ST3GAL5: variants seen among roughly 807,000 people sequenced by gnomAD.
ST3GAL5 encodes ST3 beta-galactoside alpha-2,3-sialyltransferase 5, also known as lactosylceramide alpha-2,3-sialyltransferase.
Under a neutral mutation model 46.1 loss-of-function variants are expected in ST3GAL5, and 25 were observed. The ratio of observed to expected loss-of-function variants is 0.54; its 90% CI spans 0.40 to 0.76. ST3GAL5 has a LOEUF of 0.76. ST3GAL5 is among the 30% of genes least tolerant of loss of function. The pLI, the probability that ST3GAL5 is intolerant of heterozygous loss-of-function variation, is 0.00. For synonymous variants in ST3GAL5, 182 were observed against 192.7 expected, an observed-to-expected ratio of 0.94 and a Z score of 0.46; for missense variants, 431 against 521.2, an observed-to-expected ratio of 0.83 and a Z score of 1.69.
chr2:85,838,020 C>G lies in ST3GAL5; in HGVS notation c.*2124G>C, dbSNP rs1184140017. The G allele has an allele frequency of 6.6e-6, 1 of 152,218 alleles. No individual in the cohort carries two copies. The highest frequency in any genetic ancestry group is 1.5e-5 in the Non-Finnish European group (1 of 68,120). The allele number at this position is 152,218 out of a possible 1,614,324, so 9.4% of individuals were successfully genotyped here. A position where few individuals can be genotyped will look rare whatever the true frequency, so the allele number is the denominator to read the frequency against. On this transcript the variant is annotated 3_prime_UTR_variant, in exon 7 of 7. Transcript: ENST00000638572. ...CAGCTCTGAAGTGAAGATGCAACTT[C>G]CAACAAATGAATGCCAAAGTGTGAA...
At chr2:85,840,943 A>C (rs1170397630) in intron 6 of ST3GAL5, among the ~76,000 whole-genome samples, 2 of 97,758 alleles carry the variant, frequency 2.0e-5, no homozygotes, top group African/African-American at 1.2e-4. Context: ...ACTCTGTCTC[A>C]AAAAAAAAAA....
In ST3GAL5 at chr2:85,839,936, C is replaced by T. The variant is rs1366216100; in HGVS notation, c.*208G>A. On this transcript the variant is annotated 3_prime_UTR_variant, in exon 7 of 7. Coordinates refer to ENST00000638572, the MANE Select transcript of ST3GAL5 (RefSeq NM_003896.4). ...CAATTCAATTCTTAAGTTTCATTTA[C>T]AAAATGGTGTGCAAAAACAAACACT... is the stretch of plus-strand genomic sequence containing the variant. 1.6e-6 allele frequency: 1 copy of T among 615,838 alleles called. No homozygotes were observed. The highest frequency in any genetic ancestry group is 1.8e-5 in the African/African-American group (1 of 54,066). 38.1% of individuals were successfully genotyped at this position (615,838 alleles called of 1,614,324 possible).
chr2:85,865,556 G>A (rs560404277), intron 1 of ST3GAL5, among the ~76,000 whole-genome samples: 1 of 152,300 alleles, frequency 6.6e-6, no homozygotes, highest in East Asian at 1.9e-4. Context: ...GATCCTGGAA[G>A]GTTTTCAAAT....
Position 85,839,447 on chromosome 2 carries a change from G to T in ST3GAL5, c.*697C>A, listed in dbSNP as rs1408371624. 2 of 153,294 alleles carry T rather than the reference G, an allele frequency of 1.3e-5. No individual in the cohort carries two copies. The highest frequency in any genetic ancestry group is 1.5e-5 in the Non-Finnish European group (1 of 68,836). The allele number at this position is 153,294 out of a possible 1,614,324, so 9.5% of individuals were successfully genotyped here. A position where few individuals can be genotyped will look rare whatever the true frequency, so the allele number is the denominator to read the frequency against. On this transcript the variant is annotated 3_prime_UTR_variant, in exon 7 of 7. Coordinates refer to ENST00000638572, the MANE Select transcript of ST3GAL5 (RefSeq NM_003896.4). ...AGTAAAAAATCCCCAAGGAATTCAA[G>T]AATTGTAATAATTGCTGGGAAGACT...
At chr2:85,858,604 C>A (rs773899624) in intron 3 of ST3GAL5, among the ~76,000 whole-genome samples, 6 of 152,228 alleles carry the variant, frequency 3.9e-5, no homozygotes, top group Non-Finnish European at 5.9e-5. Flanking sequence ...CCATCACACC[C>A]GGTCAGACCC....
At chr2:85,871,846 C>T (rs144770006) in intron 1 of ST3GAL5, among the ~76,000 whole-genome samples, 92 of 152,240 alleles carry the variant, frequency 6.0e-4, no homozygotes, top group East Asian at 2.7e-3. Flanking sequence ...AGGGCACAGA[C>T]GGTTATAAAC....
At chr2:85,869,004 G>C (rs530291075) in intron 1 of ST3GAL5, among the ~76,000 whole-genome samples, 1 of 152,280 alleles carries the variant, frequency 6.6e-6, no homozygotes, top group Admixed American at 6.5e-5. Flanking sequence ...AGGCGTAGAG[G>C]CATCTGGAAG....
chr2:85,871,227 G>A (rs960932668), intron 1 of ST3GAL5, among the ~76,000 whole-genome samples: 10 of 151,934 alleles, frequency 6.6e-5, no homozygotes, highest in African/African-American at 2.2e-4. Context: ...TAGTAGAGAC[G>A]AGGTCTCACT....
chr2:85,876,522 G>A (rs1392434446), intron 1 of ST3GAL5, among the ~76,000 whole-genome samples: 1 of 148,080 alleles, frequency 6.8e-6, no homozygotes, highest in Non-Finnish European at 1.5e-5. Flanking sequence ...GCAGTGAGGT[G>A]GCATGATCTC....
chr2:85,852,780 C>T, intron 3 of ST3GAL5: 1 of 857,082 alleles, frequency 1.2e-6, no homozygotes, highest in Admixed American at 3.0e-5. Flanking sequence ...GGAGGCTGGA[C>T]TCAGTTCTAG....
At chr2:85,864,626 ACTTTT>A (rs1449765325) in intron 1 of ST3GAL5, among the ~76,000 whole-genome samples, 5 of 152,068 alleles carry the variant, frequency 3.3e-5, no homozygotes, top group African/African-American at 1.2e-4. Context: ...ATTTAAAAAC[ACTTTT>A]CTTAAAAAAT....
chr2:85,853,035 C>T (rs1183176512), intron 3 of ST3GAL5: 1 of 1,304,098 alleles, frequency 7.7e-7, no homozygotes, highest in Non-Finnish European at 1.0e-6. Flanking sequence ...GAAGAAGCGG[C>T]TGAGTCCATC....
intron 3 of ST3GAL5, chr2:85,851,242 G>A (rs1340825917): frequency 9.3e-7 from 1 of 1,077,406 alleles, no homozygotes; most frequent in East Asian, 6.8e-5. Flanking sequence ...ACTGTGGGTA[G>A]GGCACATTTC....
chr2:85,841,394 G>A (rs1051589393), intron 6 of ST3GAL5, among the ~76,000 whole-genome samples: 8 of 151,906 alleles, frequency 5.3e-5, no homozygotes, highest in African/African-American at 1.7e-4. Context: ...GTACAGTGGC[G>A]CGATCACGGC....
chr2:85,886,432 C>G (rs1687769571), intron 1 of ST3GAL5, among the ~76,000 whole-genome samples: 1 of 152,068 alleles, frequency 6.6e-6, no homozygotes, highest in Non-Finnish European at 1.5e-5. Flanking sequence ...GGGTCCCGGC[C>G]AGTTCTGTTT....
intron 1 of ST3GAL5, among the ~76,000 whole-genome samples, chr2:85,879,831 A>G (rs1295768284): frequency 6.6e-6 from 1 of 152,212 alleles, no homozygotes; most frequent in Non-Finnish European, 1.5e-5. Flanking sequence ...ACTAAACTTG[A>G]GCAGAATGGG....
intron 1 of ST3GAL5, among the ~76,000 whole-genome samples, chr2:85,876,150 A>G (rs4832016): frequency 0.55 from 84,373 of 152,026 alleles, 23,892 homozygotes; most frequent in East Asian, 0.68. Context: ...ACCCTCCAAG[A>G]GGTCCACCAA....
At chr2:85,881,610 C>A (rs1317195881) in intron 1 of ST3GAL5, among the ~76,000 whole-genome samples, 2 of 152,122 alleles carry the variant, frequency 1.3e-5, no homozygotes, top group Non-Finnish European at 2.9e-5. Flanking sequence ...GCATTTTGCC[C>A]CTGCCGTAGA....
chr2:85,861,710 C>CCCGGAAGT (rs1032361756), intron 2 of ST3GAL5, among the ~76,000 whole-genome samples: 2 of 149,408 alleles, frequency 1.3e-5, no homozygotes, highest in African/African-American at 4.9e-5. Flanking sequence ...AAGAATTCTA[C>CCCGGAAGT]CCGGAAGTGA....
Sources: allele counts gnomAD v4.1 joint callset (sites outside exome capture counted in the v4.1 genomes callset), GRCh38; gene constraint gnomAD v4.1.1; transcripts MANE v1.5; gene names NCBI Gene and HGNC (gene_info 2026-07-23, HGNC 2026-07-21).